KSR1: variants seen among roughly 807,000 people sequenced by gnomAD.
The protein encoded by KSR1 is kinase suppressor of ras.
Under a neutral mutation model 92.9 loss-of-function variants are expected in KSR1, and 35 were observed. The ratio of observed to expected loss-of-function variants is 0.38; its 90% CI spans 0.29 to 0.50. KSR1 has a LOEUF of 0.50. Ranked by LOEUF, KSR1 falls within the 20% of genes least tolerant of loss-of-function variation. The pLI, the probability that KSR1 is intolerant of heterozygous loss-of-function variation, is 0.94. For synonymous variants in KSR1, 467 were observed against 472.6 expected (o/e 0.99, Z 0.15); for missense variants, 972 against 1,158.5 (o/e 0.84, Z 2.34).
intron 2 of KSR1, among the ~76,000 whole-genome samples, chr17:27,558,949 T>A (rs2151108939): frequency 6.6e-6 from 1 of 152,318 alleles, no homozygotes; most frequent in East Asian, 1.9e-4. Context: ...GATTTTTCCC[T>A]TAGGAAAACA....
chr17:27,617,652 C>G, intron 19 of KSR1: 1 of 497,808 alleles, frequency 2.0e-6, no homozygotes, highest in Non-Finnish European at 3.6e-6. Context: ...CTCAGCCTCC[C>G]GAGTAGCTGG....
At chr17:27,602,569 G>A (rs934895031) in intron 11 of KSR1, among the ~76,000 whole-genome samples, 13 of 152,212 alleles carry the variant, frequency 8.5e-5, no homozygotes, top group Non-Finnish European at 1.9e-4. Flanking sequence ...AAAGCATGAG[G>A]ATTCAGAGAG....
At chr17:27,618,763 C>T (rs2074133711) in intron 19 of KSR1, among the ~76,000 whole-genome samples, 1 of 152,210 alleles carries the variant, frequency 6.6e-6, no homozygotes, top group African/African-American at 2.4e-5. Flanking sequence ...CTTCATCTCA[C>T]CCAGGAGTCC....
At chr17:27,555,089 G>A (rs11655061) in intron 2 of KSR1, among the ~76,000 whole-genome samples, 59,408 of 151,968 alleles carry the variant, frequency 0.39, 11,807 homozygotes, top group Middle Eastern at 0.44. Flanking sequence ...CCAGGGCACC[G>A]CATGGTTTAC....
intron 2 of KSR1, among the ~76,000 whole-genome samples, chr17:27,556,509 A>G (rs2071601373): frequency 6.6e-6 from 1 of 152,160 alleles, no homozygotes; most frequent in Non-Finnish European, 1.5e-5. Context: ...GACATGAGCC[A>G]CCGTGCCTGG....
At position 27,623,623 on chromosome 17, in the gene KSR1, G is replaced by A. The variant is rs1040232140; in HGVS notation, c.*231G>A. On this transcript the variant is annotated 3_prime_UTR_variant, in exon 21 of 21. Coordinates refer to ENST00000644974, the MANE Select transcript of KSR1 (RefSeq NM_001394583.1). ...AAACCTGTCATGACAGACAGCAAAT[G>A]TTTACACGTATATTTCTCCTGAGTG... 1 of 615,226 alleles carries A rather than the reference G, an allele frequency of 1.6e-6. No homozygotes were observed. Among genetic ancestry groups the A allele is most frequent in the East Asian group, 2.7e-5 (1 of 36,434 alleles). 38.1% of individuals were successfully genotyped at this position (615,226 alleles called of 1,614,324 possible).
chr17:27,579,634 G>A (rs1326978933), intron 3 of KSR1: 3 of 152,040 alleles, frequency 2.0e-5, no homozygotes, highest in Non-Finnish European at 4.4e-5. Flanking sequence ...CCCAGCATTT[G>A]GGAGGCTGAG....
chr17:27,536,829 G>A (rs2070769846), intron 1 of KSR1, among the ~76,000 whole-genome samples: 1 of 152,248 alleles, frequency 6.6e-6, no homozygotes, highest in Admixed American at 6.5e-5. Flanking sequence ...CATCACAGTA[G>A]TCAGGACTCT....
At chr17:27,576,686 TTCATCACA>T (rs2151152737) in intron 2 of KSR1, among the ~76,000 whole-genome samples, 1 of 152,318 alleles carries the variant, frequency 6.6e-6, no homozygotes, top group East Asian at 1.9e-4. Flanking sequence ...GGCGCAAGAT[TTCATCACA>T]TTACTCAGAA....
At chr17:27,526,094 TTCTCTCTC>T (rs59170484) in intron 1 of KSR1, among the ~76,000 whole-genome samples, 6 of 118,478 alleles carry the variant, frequency 5.1e-5, no homozygotes, top group Admixed American at 3.7e-4. Flanking sequence ...CTTTCTTTCT[TTCTCTCTC>T]TCTCTCTCTC....
At position 27,567,631 on chromosome 17, in the gene KSR1, G is replaced by A. The variant is rs559329242; in HGVS notation, c.373-9861G>A. Among the ~76,000 whole-genome samples the A allele has an allele frequency of 1.6e-4, 25 of 152,366 alleles. No individual in the cohort carries two copies. In the South Asian group the frequency reaches 3.9e-3, roughly 24 times the overall value. On this transcript the variant is annotated intron_variant, in intron 2 of 20. Transcript: ENST00000644974. ...GTGACTTGGCGTCCCTTAGGCAGAG[G>A]GAGGTGATTCTCAGGGCAGACCTCA...
chr17:27,587,196 TG>T (rs1273241512), intron 5 of KSR1: 1 of 152,432 alleles, frequency 6.6e-6, no homozygotes, highest in Non-Finnish European at 1.5e-5. Context: ...TTGGTGGTCT[TG>T]GCTGCTGATG....
intron 2 of KSR1, among the ~76,000 whole-genome samples, chr17:27,566,045 G>A (rs568309902): frequency 2.0e-5 from 3 of 152,298 alleles, no homozygotes; most frequent in East Asian, 3.9e-4. Flanking sequence ...CGAAGCATGC[G>A]AGAAGCTGCA....
At chr17:27,502,799 TC>T (rs2069238030) in intron 1 of KSR1, among the ~76,000 whole-genome samples, 1 of 152,230 alleles carries the variant, frequency 6.6e-6, no homozygotes, top group Non-Finnish European at 1.5e-5. Flanking sequence ...AGCGTTGGAT[TC>T]CTGTCTGGGG....
intron 1 of KSR1, among the ~76,000 whole-genome samples, chr17:27,529,390 T>C (rs905141028): frequency 5.9e-5 from 9 of 152,262 alleles, no homozygotes; most frequent in Non-Finnish European, 1.0e-4. Flanking sequence ...TGAATAGGCT[T>C]ATGCTTACAC....
intron 1 of KSR1, among the ~76,000 whole-genome samples, chr17:27,485,512 A>G (rs937820779): frequency 6.6e-6 from 1 of 152,216 alleles, no homozygotes; most frequent in Non-Finnish European, 1.5e-5. Flanking sequence ...ACACAGGGCT[A>G]TGTCTTTCAC....
At chr17:27,607,876 G>A (rs1481191652) in intron 14 of KSR1, 38 bp from the exon 15 acceptor site, 2 of 1,509,416 alleles carry the variant, frequency 1.3e-6, no homozygotes, top group Non-Finnish European at 1.8e-6. Context: ...GGCCGCACCA[G>A]CCCCAGACTT....
chr17:27,621,884 A>G (rs2074233553), intron 20 of KSR1: 4 of 1,610,482 alleles, frequency 2.5e-6, no homozygotes, highest in Admixed American at 3.3e-5. Flanking sequence ...CATTGGGGCT[A>G]TGATTCTGAT....
intron 1 of KSR1, among the ~76,000 whole-genome samples, chr17:27,537,582 T>C (rs935336597): frequency 5.3e-5 from 8 of 152,086 alleles, no homozygotes; most frequent in Admixed American, 3.9e-4. Context: ...TCGCAGCTAC[T>C]TGGGAGGCTG....
Sources: allele counts gnomAD v4.1 joint callset (sites outside exome capture counted in the v4.1 genomes callset), GRCh38; gene constraint gnomAD v4.1.1; transcripts MANE v1.5; gene names NCBI Gene and HGNC (gene_info 2026-07-23, HGNC 2026-07-21).